Variants in ENTREP2 observed in about 807,000 individuals in gnomAD.
ENTREP2 encodes endosomal transmembrane epsin interactor 2, also known as protein ENTREP2.
the ENTREP2 span, among the ~76,000 whole-genome samples, chr15:29,489,208 A>T: frequency 5.3e-5 from 8 of 152,246 alleles, no homozygotes; most frequent in Non-Finnish European, 8.8e-5. Context: ...TAGCAGAAGC[A>T]GCATGGATTA....
At chr15:29,288,262 T>C in the ENTREP2 span, among the ~76,000 whole-genome samples, 2 of 152,234 alleles carry the variant, frequency 1.3e-5, no homozygotes, top group African/African-American at 2.4e-5. Flanking sequence ...TGCATATTTG[T>C]ATACGTGCGT....
At chr15:29,356,611 G>A in the ENTREP2 span, among the ~76,000 whole-genome samples, 1 of 151,706 alleles carries the variant, frequency 6.6e-6, no homozygotes, top group African/African-American at 2.4e-5. Context: ...GGCCTGAAAT[G>A]TATTTTTTAA....
the ENTREP2 span, among the ~76,000 whole-genome samples, chr15:29,218,933 A>G: frequency 2.6e-5 from 4 of 152,230 alleles, no homozygotes; most frequent in African/African-American, 9.6e-5. Context: ...AGGAACCCAA[A>G]AACAAATGCA....
At chr15:29,160,108 A>G in the ENTREP2 span, among the ~76,000 whole-genome samples, 1 of 152,234 alleles carries the variant, frequency 6.6e-6, no homozygotes. Context: ...TGAGCACAGC[A>G]GCTGCTGGCC....
At chr15:29,355,414 C>CT in the ENTREP2 span, among the ~76,000 whole-genome samples, 333 of 140,370 alleles carry the variant, frequency 2.4e-3, no homozygotes, top group Non-Finnish European at 3.7e-3. Flanking sequence ...GTCCCATTGG[C>CT]TTTTTTTTTT....
chr15:29,306,474 A>G, the ENTREP2 span, among the ~76,000 whole-genome samples: 1 of 152,142 alleles, frequency 6.6e-6, no homozygotes, highest in East Asian at 1.9e-4. Context: ...GGAAAAGGTT[A>G]TATGTAACAA....
the ENTREP2 span, among the ~76,000 whole-genome samples, chr15:29,357,021 G>A: frequency 6.6e-6 from 1 of 152,090 alleles, no homozygotes; most frequent in Non-Finnish European, 1.5e-5. Flanking sequence ...GGGCAGAACT[G>A]AGTGCCTAGA....
the ENTREP2 span, chr15:29,233,921 T>G: frequency 9.6e-6 from 15 of 1,569,510 alleles, no homozygotes; most frequent in South Asian, 1.4e-4. Flanking sequence ...AAGAAACTGT[T>G]CAGCTGGAGT....
the ENTREP2 span, among the ~76,000 whole-genome samples, chr15:29,539,787 A>G: frequency 1.3e-5 from 2 of 152,212 alleles, no homozygotes; most frequent in African/African-American, 2.4e-5. Context: ...CTACAGAGCC[A>G]AGAACAGTGC....
At chr15:29,608,128 G>A in the ENTREP2 span, among the ~76,000 whole-genome samples, 128 of 152,232 alleles carry the variant, frequency 8.4e-4, no homozygotes, top group Middle Eastern at 6.8e-3. Context: ...GATTAAGGGT[G>A]GGTCTACCTC....
At chr15:29,259,980 T>A in the ENTREP2 span, among the ~76,000 whole-genome samples, 6 of 152,224 alleles carry the variant, frequency 3.9e-5, no homozygotes, top group Non-Finnish European at 7.3e-5. Flanking sequence ...TTAACTGGTG[T>A]CCAGCTTTGT....
chr15:29,124,867 A>G, the ENTREP2 span: 1 of 1,005,782 alleles, frequency 9.9e-7, no homozygotes, highest in Non-Finnish European at 1.5e-6. Context: ...GCGAGCAAGC[A>G]GGAGAAGCCT....
At chr15:29,500,633 T>C in the ENTREP2 span, among the ~76,000 whole-genome samples, 3 of 152,170 alleles carry the variant, frequency 2.0e-5, no homozygotes, top group South Asian at 4.1e-4. Flanking sequence ...GAAATTTATA[T>C]CTGTAAATGC....
the ENTREP2 span, among the ~76,000 whole-genome samples, chr15:29,255,786 G>C: frequency 7.2e-5 from 11 of 152,124 alleles, no homozygotes; most frequent in African/African-American, 2.7e-4. Context: ...CGGATCAAAA[G>C]GTCAGGAGAT....
At chr15:29,368,908 T>C in the ENTREP2 span, among the ~76,000 whole-genome samples, 1 of 151,632 alleles carries the variant, frequency 6.6e-6, no homozygotes, top group Non-Finnish European at 1.5e-5. Flanking sequence ...ATAGAAATTA[T>C]AGATTGAAAA....
chr15:29,491,573 C>A, the ENTREP2 span, among the ~76,000 whole-genome samples: 1 of 152,260 alleles, frequency 6.6e-6, no homozygotes, highest in East Asian at 1.9e-4. Context: ...TCTAAAGAGT[C>A]CTTGGATAAA....
chr15:29,607,711 T>G, the ENTREP2 span, among the ~76,000 whole-genome samples: 1 of 152,168 alleles, frequency 6.6e-6, no homozygotes, highest in Admixed American at 6.6e-5. Flanking sequence ...ACTCTTCTAG[T>G]GCTCGTTTTT....
the ENTREP2 span, among the ~76,000 whole-genome samples, chr15:29,285,634 T>C: frequency 1.3e-5 from 2 of 152,120 alleles, no homozygotes; most frequent in African/African-American, 2.4e-5. Context: ...CACTGAACAT[T>C]TGAAGAAGAA....
chr15:29,287,782 CA>C, the ENTREP2 span, among the ~76,000 whole-genome samples: 1 of 152,192 alleles, frequency 6.6e-6, no homozygotes, highest in African/African-American at 2.4e-5. Flanking sequence ...TGTGAAAATG[CA>C]AATGGCCCTG....
Sources: allele counts gnomAD v4.1 joint callset (sites outside exome capture counted in the v4.1 genomes callset), GRCh38; gene constraint gnomAD v4.1.1; transcripts MANE v1.5; gene names NCBI Gene and HGNC (gene_info 2026-07-23, HGNC 2026-07-21).